PCDH9: variants seen among roughly 807,000 people sequenced by gnomAD.
PCDH9 encodes the protein protocadherin-9.
Under a neutral mutation model 70.6 loss-of-function variants are expected in PCDH9, and 24 were observed. That is an observed-to-expected ratio of 0.34 (90% CI 0.25 to 0.48). The LOEUF (loss-of-function observed/expected upper bound fraction) is 0.48. PCDH9 is among the 20% of genes least tolerant of loss of function. The probability of loss-of-function intolerance (pLI) is 0.99; values close to 1 mark genes in which losing one functional copy is unlikely to be tolerated. For synonymous variants in PCDH9, 562 were observed against 558.5 expected (o/e 1.01, Z -0.09); for missense variants, 1,281 against 1,503.6 (o/e 0.85, Z 2.45).
At chr13:66,963,414 C>A (rs763968134) in intron 2 of PCDH9, among the ~76,000 whole-genome samples, 18 of 152,230 alleles carry the variant, frequency 1.2e-4, no homozygotes, top group Non-Finnish European at 2.4e-4. Flanking sequence ...AGTACAATCT[C>A]ATTTCCAGCA....
intron 3 of PCDH9, among the ~76,000 whole-genome samples, chr13:66,793,637 CTCTT>C (rs1594069086): frequency 6.6e-6 from 1 of 151,972 alleles, no homozygotes; most frequent in African/African-American, 2.4e-5. Flanking sequence ...ACCTTTTTCT[CTCTT>C]TCTAGAAAAA....
intron 4 of PCDH9, among the ~76,000 whole-genome samples, chr13:66,624,963 T>TAGAG (rs71106982): frequency 0.98 from 149,503 of 152,156 alleles, 73,495 homozygotes; most frequent in East Asian, 1. Flanking sequence ...CGTAAAAAAA[T>TAGAG]AGCCTAATGT....
At chr13:66,882,427 T>A (rs1594202063) in intron 3 of PCDH9, among the ~76,000 whole-genome samples, 2 of 152,282 alleles carry the variant, frequency 1.3e-5, no homozygotes, top group African/African-American at 4.8e-5. Flanking sequence ...TAATGGTTCC[T>A]CTCTACCTTT....
chr13:67,108,859 G>A (rs1264448004), intron 2 of PCDH9, among the ~76,000 whole-genome samples: 2 of 152,104 alleles, frequency 1.3e-5, no homozygotes, highest in Admixed American at 6.5e-5. Flanking sequence ...AATAATGTTA[G>A]AATAACATTG....
chr13:66,314,594 T>C (rs1194548108), intron 4 of PCDH9, among the ~76,000 whole-genome samples: 1 of 152,198 alleles, frequency 6.6e-6, no homozygotes, highest in Non-Finnish European at 1.5e-5. Flanking sequence ...AGGGACAATA[T>C]CAGTATATTT....
At position 66,695,964 on chromosome 13, in the gene PCDH9, T is replaced by A. The variant is rs558839332; in HGVS notation, c.3139-64553A>T. 2.0e-5 allele frequency among the ~76,000 whole-genome samples: 3 copies of A among 152,278 alleles called. No individual in the cohort carries two copies. The South Asian group carries it at 6.2e-4, about 32-fold the overall frequency. On this transcript the variant is annotated intron_variant, in intron 3 of 4. Coordinates refer to ENST00000377865, the MANE Select transcript of PCDH9 (RefSeq NM_203487.3). The stretch of plus-strand genomic sequence containing the variant: ...GAAAATAATTTATTTTGTATTATCA[T>A]GCAATCATTTCATTTACCATGACTC...
chr13:67,163,671 C>T (rs1490539236), intron 2 of PCDH9, among the ~76,000 whole-genome samples: 6 of 152,130 alleles, frequency 3.9e-5, no homozygotes, highest in African/African-American at 1.2e-4. Context: ...GAATTTGCTG[C>T]GTCAAGTAAC....
intron 2 of PCDH9, among the ~76,000 whole-genome samples, chr13:67,169,821 A>AT (rs1310168122): frequency 6.6e-6 from 1 of 152,102 alleles, no homozygotes; most frequent in Admixed American, 6.5e-5. Context: ...ACTCTTCTGT[A>AT]TTTTTTGTCT....
intron 4 of PCDH9, among the ~76,000 whole-genome samples, chr13:66,308,630 G>T (rs1490821853): frequency 1.3e-5 from 2 of 152,034 alleles, no homozygotes; most frequent in Non-Finnish European, 2.9e-5. Flanking sequence ...CTAGGGGACA[G>T]TTTATATATG....
chr13:66,395,518 T>C (rs1307492902), intron 4 of PCDH9, among the ~76,000 whole-genome samples: 1 of 151,948 alleles, frequency 6.6e-6, no homozygotes, highest in Non-Finnish European at 1.5e-5. Context: ...GAGAATCGCT[T>C]GAACACGGGA....
intron 4 of PCDH9, among the ~76,000 whole-genome samples, chr13:66,601,437 A>C (rs914172968): frequency 1.4e-5 from 2 of 146,176 alleles, no homozygotes; most frequent in African/African-American, 4.9e-5. Flanking sequence ...AATTGTATTA[A>C]TGGAGACAAT....
At chr13:66,590,813 T>C (rs1436467446) in intron 4 of PCDH9, among the ~76,000 whole-genome samples, 1 of 151,836 alleles carries the variant, frequency 6.6e-6, no homozygotes, top group African/African-American at 2.4e-5. Flanking sequence ...TGTATTTTCT[T>C]TATATATAGC....
At position 66,554,666 on chromosome 13, in the gene PCDH9, C is replaced by A. The variant is rs1961645232; in HGVS notation, c.3340+76544G>T. 2.6e-5 allele frequency among the ~76,000 whole-genome samples: 4 copies of A among 151,936 alleles called. No homozygotes were observed. In the South Asian group the frequency reaches 8.3e-4, roughly 32 times the overall value. On this transcript the variant is annotated intron_variant, in intron 4 of 4. Transcript: ENST00000377865. ...CATGTAAGATTTTATTAAATGAGTGCAGGATGTCATTCTTAGCCAATAGCA... is the reference window on the plus strand; with the variant it reads ...CATGTAAGATTTTATTAAATGAGTGAAGGATGTCATTCTTAGCCAATAGCA...
Position 67,121,779 on chromosome 13 carries a change from C to T in PCDH9, c.3036+103626G>A, listed in dbSNP as rs1244693101. The stretch of plus-strand genomic sequence containing the variant: ...TTGGTAGTGCAAAAGATTGGGCACT[C>T]TCTGAGTTTTGTTATTAATTAAGTG... On this transcript the variant is annotated intron_variant, in intron 2 of 4. Coordinates refer to ENST00000377865, the MANE Select transcript of PCDH9 (RefSeq NM_203487.3). Among the ~76,000 whole-genome samples, 4 of 152,100 alleles carry T rather than the reference C, an allele frequency of 2.6e-5. No individual in the cohort carries two copies. The East Asian group carries it at 5.8e-4, about 22-fold the overall frequency.
intron 4 of PCDH9, among the ~76,000 whole-genome samples, chr13:66,553,965 A>G (rs1457877491): frequency 6.6e-6 from 1 of 152,132 alleles, no homozygotes; most frequent in African/African-American, 2.4e-5. Context: ...GTTTCTGAGC[A>G]TTCTTCTTTT....
At chr13:66,509,275 T>C (rs1959344955) in intron 4 of PCDH9, among the ~76,000 whole-genome samples, 1 of 152,170 alleles carries the variant, frequency 6.6e-6, no homozygotes, top group African/African-American at 2.4e-5. Context: ...TCCCAGCCTC[T>C]TGCCAATTTC....
At position 66,355,673 on chromosome 13, in the gene PCDH9, A is replaced by G. The variant is rs538265797; in HGVS notation, c.3341-50645T>C. 1.8e-4 allele frequency among the ~76,000 whole-genome samples: 28 copies of G among 152,286 alleles called. No individual in the cohort carries two copies. In the South Asian group the frequency reaches 5.6e-3, roughly 30 times the overall value. ...AATGAATTAACAATATACATTAAAT[A>G]AGGCATCTTTAAACAGAAACACACA... On this transcript the variant is annotated intron_variant, in intron 4 of 4. Transcript: ENST00000377865.
chr13:66,579,443 G>C (rs563324778), intron 4 of PCDH9, among the ~76,000 whole-genome samples: 1 of 152,050 alleles, frequency 6.6e-6, no homozygotes, highest in South Asian at 2.1e-4. Flanking sequence ...TTTGTTGAAG[G>C]TCAAAAACAT....
At chr13:66,946,853 C>A (rs2083096405) in intron 2 of PCDH9, among the ~76,000 whole-genome samples, 1 of 151,966 alleles carries the variant, frequency 6.6e-6, no homozygotes, top group Non-Finnish European at 1.5e-5. Context: ...ATATGACTTT[C>A]TTCTGCAAAA....
Sources: gnomAD v4.1 joint callset for allele counts (sites outside exome capture counted in the v4.1 genomes callset) on GRCh38, gnomAD v4.1.1 for gene constraint, MANE v1.5 for transcripts, NCBI Gene and HGNC (gene_info 2026-07-23, HGNC 2026-07-21) for gene names.